The following RELN variants were observed in gnomAD, a reference collection of about 807,000 sequenced individuals.
RELN encodes reelin.
RELN carries 108 observed loss-of-function variants against 427.6 expected under a neutral mutation model. The ratio of observed to expected loss-of-function variants is 0.25; its 90% CI spans 0.22 to 0.30. The LOEUF is 0.30. RELN is among the 10% of genes least tolerant of loss of function. The probability of loss-of-function intolerance (pLI) is 1.00; values close to 1 mark genes in which losing one functional copy is unlikely to be tolerated. For missense variants in RELN, 3,715 were observed against 4,302.8 expected (o/e 0.86, Z 3.82); for synonymous variants, 1,524 against 1,513.4 (o/e 1.01, Z -0.16).
At chr7:103,638,978 G>C (rs750201046) in intron 17 of RELN, among the ~76,000 whole-genome samples, 3 of 152,176 alleles carry the variant, frequency 2.0e-5, no homozygotes, top group Non-Finnish European at 4.4e-5. Flanking sequence ...GAAAATAAAA[G>C]TTGTCATTCT....
At chr7:103,499,269 A>G (rs1828942038) in intron 53 of RELN, among the ~76,000 whole-genome samples, 1 of 152,326 alleles carries the variant, frequency 6.6e-6, no homozygotes, top group Non-Finnish European at 1.5e-5. Context: ...ACTAAGAATG[A>G]TTGACAACCA....
intron 2 of RELN, among the ~76,000 whole-genome samples, chr7:103,870,791 T>C (rs983944314): frequency 6.6e-6 from 1 of 152,088 alleles, no homozygotes; most frequent in Non-Finnish European, 1.5e-5. Context: ...TCTTCCTACA[T>C]GTGTGCAGCT....
chr7:103,867,113 A>G (rs752024688), intron 2 of RELN, among the ~76,000 whole-genome samples: 3 of 152,144 alleles, frequency 2.0e-5, no homozygotes, highest in Non-Finnish European at 4.4e-5. Flanking sequence ...TAGATGTTAC[A>G]TGAGTTCTGC....
chr7:103,633,444 G>A (rs1456081334), intron 19 of RELN, among the ~76,000 whole-genome samples: 2 of 151,522 alleles, frequency 1.3e-5, no homozygotes, highest in African/African-American at 2.4e-5. Flanking sequence ...GAGAGAGGGG[G>A]CGGGAGGAAG....
chr7:103,577,412 C>T (rs150218490), intron 28 of RELN, among the ~76,000 whole-genome samples: 10 of 152,144 alleles, frequency 6.6e-5, no homozygotes, highest in Admixed American at 3.9e-4. Flanking sequence ...TGCCTATTAA[C>T]GTAAGCCCCA....
At chr7:103,656,419 A>G (rs1562942876) in intron 12 of RELN, among the ~76,000 whole-genome samples, 2 of 152,006 alleles carry the variant, frequency 1.3e-5, no homozygotes, top group African/African-American at 4.8e-5. Context: ...AGCTGTAGGA[A>G]TCTGGGGGTG....
chr7:103,975,243 A>G (rs1295563905), intron 1 of RELN, among the ~76,000 whole-genome samples: 1 of 152,218 alleles, frequency 6.6e-6, no homozygotes, highest in Non-Finnish European at 1.5e-5. Context: ...CTCATATTAG[A>G]CAGGGATCCC....
chr7:103,599,473 T>C (rs1584331310), intron 24 of RELN, among the ~76,000 whole-genome samples: 2 of 152,186 alleles, frequency 1.3e-5, no homozygotes, highest in Admixed American at 1.3e-4. Context: ...TATTGATTTG[T>C]AAATGTCTAG....
chr7:103,958,128 T>C (rs1389312021), intron 1 of RELN, among the ~76,000 whole-genome samples: 4 of 152,198 alleles, frequency 2.6e-5, no homozygotes, highest in African/African-American at 7.2e-5. Flanking sequence ...TAAAGCAGGA[T>C]GGTGCACATG....
At chr7:103,508,718 C>T (rs1829299153) in intron 51 of RELN, among the ~76,000 whole-genome samples, 1 of 152,182 alleles carries the variant, frequency 6.6e-6, no homozygotes, top group Non-Finnish European at 1.5e-5. Context: ...CAAATTGTCT[C>T]TGTTTGCAGA....
chr7:103,565,137 T>G, intron 34 of RELN, 141 bp downstream of exon 34: 1 of 1,091,630 alleles, frequency 9.2e-7, no homozygotes, highest in Non-Finnish European at 1.4e-6. Flanking sequence ...CCAAAGCACC[T>G]TGCACTTTTT....
chr7:103,780,616 C>A (rs1355059715), intron 3 of RELN, among the ~76,000 whole-genome samples: 1 of 152,156 alleles, frequency 6.6e-6, no homozygotes, highest in African/African-American at 2.4e-5. Context: ...GTGTTCTTAT[C>A]ATTTAGCTCC....
intron 6 of RELN, among the ~76,000 whole-genome samples, chr7:103,737,187 T>G (rs1777687733): frequency 6.6e-6 from 1 of 152,188 alleles, no homozygotes; most frequent in East Asian, 1.9e-4. Flanking sequence ...AGAAAATATT[T>G]ATTGTGTCTG....
Position 103,849,904 on chromosome 7 carries a change from C to G in RELN, c.338-16232G>C, listed in dbSNP as rs1195784123. 2.0e-5 allele frequency among the ~76,000 whole-genome samples: 3 copies of G among 152,264 alleles called. No homozygotes were observed. In the East Asian group the frequency reaches 5.8e-4, roughly 29 times the overall value. On this transcript the variant is annotated intron_variant, in intron 2 of 64. Transcript: ENST00000428762. Reference sequence around the variant, plus strand: ...ACTGTCTTCTTTCTCTCTGTTATGGCAAAACTCCTACTTATCACTTAATAA... The same window carrying G: ...ACTGTCTTCTTTCTCTCTGTTATGGGAAAACTCCTACTTATCACTTAATAA...
intron 10 of RELN, among the ~76,000 whole-genome samples, chr7:103,689,432 G>C (rs1201701071): frequency 6.6e-6 from 1 of 152,084 alleles, no homozygotes; most frequent in Non-Finnish European, 1.5e-5. Flanking sequence ...AACCACGATA[G>C]CTGAGCAGAT....
At chr7:103,696,537 C>G (rs1833979475) in intron 10 of RELN, among the ~76,000 whole-genome samples, 1 of 152,144 alleles carries the variant, frequency 6.6e-6, no homozygotes, top group Non-Finnish European at 1.5e-5. Context: ...ATGAACAGCA[C>G]CTGTCCATCC....
chr7:103,528,007 G>T (rs747646186), intron 46 of RELN, among the ~76,000 whole-genome samples: 15 of 152,124 alleles, frequency 9.9e-5, no homozygotes, highest in East Asian at 1.9e-4. Context: ...GTGGGTAAAA[G>T]GTTGTCAGTT....
chr7:103,551,101 C>G lies in RELN; in HGVS notation c.6268G>C (p.Glu2090Gln). The G allele has an allele frequency of 1.2e-6, 2 of 1,613,842 alleles. No homozygotes were observed. Among genetic ancestry groups the G allele is most frequent in the Non-Finnish European group, 1.7e-6 (2 of 1,180,002 alleles). ...TGCAGCTTCCCAAAGTGCACGACCT[C>G]CCTCCTCCAGCCCTGCATGGTTCCT... The part of the protein sequence containing the change: ...YAGTMQGWRR[E>Q]VVHFGKLHLC... Residue 2090 changes from glutamate to glutamine, a missense_variant, in exon 41 of 65, where the codon GAG becomes CAG. By Grantham distance (29) the Glu-to-Gln change is conservative. Around this residue, in one of 4 missense-constraint regions of RELN, gnomAD observed 1,310 missense variants for 1,643.0 expected, o/e 0.80. Transcript: ENST00000428762.
chr7:103,985,712 T>C (rs139289063), intron 1 of RELN, among the ~76,000 whole-genome samples: 2,629 of 152,190 alleles, frequency 0.017, 67 homozygotes, highest in African/African-American at 0.06. Context: ...CATAAATTGA[T>C]TGGGGGCAAG....
Sources: allele counts gnomAD v4.1 joint callset (sites outside exome capture counted in the v4.1 genomes callset), GRCh38; gene constraint gnomAD v4.1.1; regional missense constraint gnomAD v4.1.1; transcripts MANE v1.5; gene names NCBI Gene and HGNC (gene_info 2026-07-23, HGNC 2026-07-21).